Variants in NEK7 observed in about 807,000 individuals in gnomAD.
NEK7 encodes NIMA related kinase 7, also known as serine/threonine-protein kinase Nek7.
A neutral mutation model predicts 44.6 loss-of-function variants in NEK7; 18 were observed. The observed-to-expected ratio is 0.40, with a 90% CI of 0.28 to 0.60. NEK7 has a LOEUF of 0.60. NEK7 is among the 20% of genes least tolerant of loss of function. NEK7 has a pLI of 0.38. For missense variants in NEK7, 256 were observed against 366.5 expected, an observed-to-expected ratio of 0.70 and a Z score of 2.46; for synonymous variants, 130 against 121.1, an observed-to-expected ratio of 1.07 and a Z score of -0.48.
At chr1:198,292,301 T>G (rs1477915703) in intron 7 of NEK7, among the ~76,000 whole-genome samples, 1 of 152,016 alleles carries the variant, frequency 6.6e-6, no homozygotes, top group Non-Finnish European at 1.5e-5. Flanking sequence ...TTATCTTGAG[T>G]GTCTTGTCTC....
chr1:198,175,723 C>T (rs1173087529), intron 1 of NEK7, among the ~76,000 whole-genome samples: 1 of 152,130 alleles, frequency 6.6e-6, no homozygotes, highest in Admixed American at 6.5e-5. Context: ...TTAACCTAAA[C>T]AAATACAAAG....
At chr1:198,256,796 G>C (rs1442228384) in intron 3 of NEK7, among the ~76,000 whole-genome samples, 1 of 152,162 alleles carries the variant, frequency 6.6e-6, no homozygotes, top group Non-Finnish European at 1.5e-5. Flanking sequence ...TTAGGAAAGA[G>C]GCTTCACAGA....
chr1:198,234,908 C>G (rs1427184857), intron 2 of NEK7, among the ~76,000 whole-genome samples: 1 of 152,178 alleles, frequency 6.6e-6, no homozygotes, highest in Admixed American at 6.5e-5. Context: ...CTGACAAGAG[C>G]TTATAGGCAT....
intron 3 of NEK7, among the ~76,000 whole-genome samples, chr1:198,255,874 T>C (rs1653245408): frequency 6.6e-6 from 1 of 152,182 alleles, no homozygotes; most frequent in Non-Finnish European, 1.5e-5. Flanking sequence ...TTTAGACATA[T>C]TGATTCTTGT....
chr1:198,236,276 T>C (rs1249809771), intron 2 of NEK7, among the ~76,000 whole-genome samples: 2 of 152,232 alleles, frequency 1.3e-5, no homozygotes, highest in African/African-American at 2.4e-5. Context: ...GTGTTTGTCA[T>C]AGGCATTGAG....
intron 8 of NEK7, among the ~76,000 whole-genome samples, chr1:198,293,995 T>C (rs1401763672): frequency 6.6e-6 from 1 of 151,946 alleles, no homozygotes; most frequent in Non-Finnish European, 1.5e-5. Flanking sequence ...GATGAAATCA[T>C]CTATTTTAAT....
chr1:198,258,946 A>G (rs1459907780), intron 3 of NEK7, among the ~76,000 whole-genome samples: 2 of 152,188 alleles, frequency 1.3e-5, no homozygotes, highest in Non-Finnish European at 2.9e-5. Flanking sequence ...TGTAATCTAA[A>G]TATTCATTAT....
rs1461263278 is a variant in NEK7, at chr1:198,252,544, ATATATATATATATATATATATAT to A, written c.58-495_58-473del. Among the ~76,000 whole-genome samples, 44 of 57,858 alleles carry A rather than the reference ATATATATATATATATATATATAT, an allele frequency of 7.6e-4. 1 individual carries two copies. In the South Asian group the frequency reaches 0.02, roughly 26 times the overall value. 38.0% of individuals were successfully genotyped at this position (57,858 alleles called of 152,430 possible). A position where few individuals can be genotyped will look rare whatever the true frequency, so the allele number is the denominator to read the frequency against. ...TCTCACATACTATATATATATATATATATATATATATATATATATATATAAAAAGTACATATATACACATATAT... is the reference window on the plus strand; with the variant it reads ...TCTCACATACTATATATATATATATAAAAAAGTACATATATACACATATAT... On this transcript the variant is annotated intron_variant, in intron 2 of 9. Coordinates refer to ENST00000367385, the MANE Select transcript of NEK7 (RefSeq NM_133494.3).
intron 3 of NEK7, among the ~76,000 whole-genome samples, chr1:198,258,488 CT>C (rs1653349778): frequency 6.6e-6 from 1 of 152,090 alleles, no homozygotes; most frequent in African/African-American, 2.4e-5. Context: ...TTTTTAAGTA[CT>C]TTGTTTTCTG....
intron 1 of NEK7, among the ~76,000 whole-genome samples, chr1:198,194,147 A>G (rs1665157143): frequency 6.6e-6 from 1 of 152,188 alleles, no homozygotes; most frequent in Admixed American, 6.5e-5. Flanking sequence ...ACTTTTGGAT[A>G]CTGATTTTTA....
chr1:198,278,631 T>G (rs971594597), intron 6 of NEK7, among the ~76,000 whole-genome samples: 1 of 151,888 alleles, frequency 6.6e-6, no homozygotes, highest in African/African-American at 2.4e-5. Flanking sequence ...GATATTTTAT[T>G]TAAAATTGAT....
In NEK7 at chr1:198,321,252, G is replaced by A. The variant is rs1332135825; in HGVS notation, c.*1730G>A. On this transcript the variant is annotated 3_prime_UTR_variant, in exon 10 of 10. Transcript: ENST00000367385. ...ATCAGTTATGTATGGTTTCTGAAGG[G>A]TAATTTTATTTTGGAATAGGTAAAG... 1.3e-5 allele frequency: 2 copies of A among 152,160 alleles called. No homozygotes were observed. Among genetic ancestry groups the A allele is most frequent in the African/African-American group, 4.8e-5 (2 of 41,444 alleles). 9.4% of individuals were successfully genotyped at this position (152,160 alleles called of 1,614,324 possible).
intron 5 of NEK7, among the ~76,000 whole-genome samples, chr1:198,272,219 A>G (rs1198822412): frequency 6.6e-6 from 1 of 151,726 alleles, no homozygotes; most frequent in Admixed American, 6.6e-5. Context: ...ATAAAAGGTG[A>G]TGTACGAACT....
intron 5 of NEK7, chr1:198,277,702 T>A (rs1558091244): frequency 3.6e-6 from 1 of 278,862 alleles, no homozygotes; most frequent in Non-Finnish European, 6.7e-6. Flanking sequence ...TATATAGATG[T>A]TAATTTTTTG....
intron 1 of NEK7, among the ~76,000 whole-genome samples, chr1:198,214,463 GA>G (rs1467958107): frequency 6.6e-6 from 1 of 152,166 alleles, no homozygotes; most frequent in African/African-American, 2.4e-5. Context: ...ATGTTCTAAA[GA>G]GATGGATATT....
chr1:198,157,360 G>A (rs976384798), intron 1 of NEK7, 84 bp downstream of exon 1: 7 of 152,432 alleles, frequency 4.6e-5, no homozygotes, highest in Non-Finnish European at 1.0e-4. Flanking sequence ...GCCGGGAGAG[G>A]GAGGTCGGGA....
chr1:198,194,223 A>G (rs982114934), intron 1 of NEK7, among the ~76,000 whole-genome samples: 1 of 151,622 alleles, frequency 6.6e-6, no homozygotes, highest in Non-Finnish European at 1.5e-5. Flanking sequence ...TGAAGACTCT[A>G]TTTTTTATTT....
intron 2 of NEK7, among the ~76,000 whole-genome samples, chr1:198,249,997 C>G (rs191501088): frequency 0.46 from 56,964 of 124,794 alleles, 16,710 homozygotes; most frequent in East Asian, 0.88. Flanking sequence ...TTCTTCTAGG[C>G]TTTTTATGGT....
At chr1:198,183,442 G>C (rs971230016) in intron 1 of NEK7, among the ~76,000 whole-genome samples, 1 of 152,076 alleles carries the variant, frequency 6.6e-6, no homozygotes, top group African/African-American at 2.4e-5. Context: ...TTTTAAAAAA[G>C]AATGATACAG....
Sources: allele counts gnomAD v4.1 joint callset (sites outside exome capture counted in the v4.1 genomes callset), GRCh38; gene constraint gnomAD v4.1.1; transcripts MANE v1.5; gene names NCBI Gene and HGNC (gene_info 2026-07-23, HGNC 2026-07-21).